CFI: variants seen among roughly 807,000 people sequenced by gnomAD.
CFI encodes complement factor I.
In CFI, 66 loss-of-function variants were observed where a neutral mutation model predicts 78.8. The ratio of observed to expected loss-of-function variants is 0.84; its 90% CI spans 0.69 to 1.03. The LOEUF (loss-of-function observed/expected upper bound fraction) is 1.03, where lower values mean the gene tolerates loss of function less well. CFI is among the 50% of genes least tolerant of loss of function. The pLI is 0.00. For synonymous variants in CFI, 250 were observed against 232.6 expected (o/e 1.07, Z -0.68); for missense variants, 706 against 704.5 (o/e 1.00, Z -0.02).
In CFI at chr4:109,764,646, C is replaced by T. The variant is rs910978973; in HGVS notation, c.373G>A (p.Gly125Arg). The change falls in exon 3 of 13, where the codon GGA becomes AGA. Residue 125 changes from glycine (G) to arginine (R), a missense_variant. Physicochemically the swap from Gly to Arg is moderately radical, Grantham distance 125 (BLOSUM62 -2). Transcript: ENST00000394634. ...SLKHGNTDSE[G>R]IVEVKLVDQD... ...TCCACAAGTTTTACTTCAACTATTC[C>T]CTCTGAATCTGTATTTCCATGCTTC... 1 of 1,613,956 alleles carries T rather than the reference C, an allele frequency of 6.2e-7. No individual in the cohort carries two copies. The highest frequency in any genetic ancestry group is 1.7e-5 in the Admixed American group (1 of 60,004).
At chr4:109,759,100 G>T (rs923987098) in intron 6 of CFI, among the ~76,000 whole-genome samples, 3 of 151,924 alleles carry the variant, frequency 2.0e-5, no homozygotes, top group Non-Finnish European at 2.9e-5. Flanking sequence ...CTCAAAAAAA[G>T]AAAATAAAAA....
intron 6 of CFI, chr4:109,757,984 CT>C (rs932602141): frequency 6.9e-7 from 1 of 1,449,440 alleles, no homozygotes; most frequent in Non-Finnish European, 9.1e-7. Flanking sequence ...AAAAAACTCA[CT>C]ATAGCAAAGA....
At chr4:109,755,691 G>C (rs1726049991) in intron 7 of CFI, among the ~76,000 whole-genome samples, 1 of 152,076 alleles carries the variant, frequency 6.6e-6, no homozygotes. Flanking sequence ...CTGCGACCTT[G>C]GACCTCACAA....
rs1724897775 is a variant in CFI at position 109,749,595 on chromosome 4, T to C, written c.948A>G (p.Arg316=). ...GTTTAGGTAATAATGATTTTATCCG[T>C]CTTCTTTCTTCAAGAAAGGAAGAGA... ...ILTADMDAER[R]RIKSLLPKLS... Residue 316 remains arginine, a synonymous_variant, in exon 9 of 13, where the codon AGA becomes AGG. Coordinates refer to ENST00000394634, the MANE Select transcript of CFI (RefSeq NM_000204.5). 1 of 1,586,212 alleles carries C rather than the reference T, an allele frequency of 6.3e-7. No homozygotes were observed. Among genetic ancestry groups the C allele is most frequent in the African/African-American group, 1.3e-5 (1 of 74,450 alleles).
the CFI span, among the ~76,000 whole-genome samples, chr4:109,731,087 T>A: frequency 2.6e-5 from 4 of 152,086 alleles, no homozygotes; most frequent in Non-Finnish European, 5.9e-5. Flanking sequence ...GCGCGGTGGT[T>A]TACGCCTGTA....
At chr4:109,786,018 C>G (rs1730691437) in intron 1 of CFI, among the ~76,000 whole-genome samples, 1 of 151,686 alleles carries the variant, frequency 6.6e-6, no homozygotes, top group Non-Finnish European at 1.5e-5. Flanking sequence ...TGGACTAATA[C>G]AATGGGCTTT....
chr4:109,750,712 C>T (rs1647698230), intron 8 of CFI, among the ~76,000 whole-genome samples: 1 of 152,124 alleles, frequency 6.6e-6, no homozygotes, highest in African/African-American at 2.4e-5. Context: ...AAACTTGCTT[C>T]TTAGCCCCAG....
chr4:109,755,176 T>G (rs1034559235), intron 7 of CFI, among the ~76,000 whole-genome samples: 13 of 152,144 alleles, frequency 8.5e-5, no homozygotes, highest in African/African-American at 3.1e-4. Context: ...AAAGCTAGTA[T>G]GCACATGAAG....
intron 6 of CFI, 59 bp from the exon 7 acceptor site, chr4:109,757,842 T>C: frequency 7.4e-7 from 1 of 1,348,374 alleles, no homozygotes; most frequent in South Asian, 1.3e-5. Flanking sequence ...AAATGCACAC[T>C]ATAGCAATAT....
At chr4:109,798,732 TG>T (rs987852790) in intron 1 of CFI, among the ~76,000 whole-genome samples, 1 of 151,794 alleles carries the variant, frequency 6.6e-6, no homozygotes, top group African/African-American at 2.4e-5. Flanking sequence ...TTTGGTTGCT[TG>T]GGGTTTGCTT....
chr4:109,743,273 A>G (rs1305192066), intron 11 of CFI, among the ~76,000 whole-genome samples: 1 of 152,154 alleles, frequency 6.6e-6, no homozygotes, highest in Non-Finnish European at 1.5e-5. Flanking sequence ...CCTTAGAACA[A>G]GAGCTTTTTT....
At chr4:109,746,636 A>G (rs1247657431) in intron 10 of CFI, 134 bp from the exon 11 acceptor site, 20 of 712,228 alleles carry the variant, frequency 2.8e-5, no homozygotes, top group Non-Finnish European at 1.4e-5. Flanking sequence ...GCTTGCTGTC[A>G]TGAAGCAATG....
intron 1 of CFI, among the ~76,000 whole-genome samples, chr4:109,775,095 G>A (rs971382174): frequency 3.3e-5 from 5 of 152,144 alleles, no homozygotes; most frequent in Non-Finnish European, 7.3e-5. Context: ...CTCCCAGTGT[G>A]AGCGACGCAG....
At chr4:109,735,143 T>C in the CFI span, among the ~76,000 whole-genome samples, 1 of 152,150 alleles carries the variant, frequency 6.6e-6, no homozygotes, top group African/African-American at 2.4e-5. Context: ...ATTATAGAGA[T>C]GGGGTCTCCC....
At position 109,756,752 on chromosome 4, in the gene CFI, C is replaced by A. The variant is rs371102537; in HGVS notation, c.904+1011G>T. The stretch of plus-strand genomic sequence containing the variant: ...GCACGTGCCTGTAATCTCAGCTACT[C>A]GGGAGGTTGAGGCAGAGAATTGCTT... On this transcript the variant is annotated intron_variant, in intron 7 of 12. Transcript: ENST00000394634. Among the ~76,000 whole-genome samples, 369 of 151,430 alleles carry A rather than the reference C, an allele frequency of 2.4e-3. 13 individuals carry two copies. The South Asian group carries it at 0.064, about 26-fold the overall frequency.
chr4:109,734,589 G>A, the CFI span, among the ~76,000 whole-genome samples: 4 of 152,120 alleles, frequency 2.6e-5, no homozygotes, highest in Admixed American at 2.6e-4. Flanking sequence ...AGATCACACG[G>A]TCAGGAGTTC....
In CFI at chr4:109,792,227, T is replaced by C. The variant is rs1731469425; in HGVS notation, c.57+9688A>G. Among the ~76,000 whole-genome samples, 3 of 152,316 alleles carry C rather than the reference T, an allele frequency of 2.0e-5. No individual in the cohort carries two copies. In the South Asian group the frequency reaches 6.2e-4, roughly 32 times the overall value. ...GTTGTTCAAGTTCTCCATTCCTTAT[T>C]GACCTTCTATTCATTATAGAAAGTG... is the stretch of plus-strand genomic sequence containing the variant. On this transcript the variant is annotated intron_variant, in intron 1 of 12. Transcript: ENST00000394634.
At chr4:109,753,620 T>C (rs1354346439) in intron 7 of CFI, among the ~76,000 whole-genome samples, 3 of 97,866 alleles carry the variant, frequency 3.1e-5, no homozygotes, top group African/African-American at 1.3e-4. Flanking sequence ...ATTTATTATA[T>C]ATTTATTATA....
chr4:109,746,807 C>T (rs1724530163), intron 10 of CFI, among the ~76,000 whole-genome samples: 1 of 152,104 alleles, frequency 6.6e-6, no homozygotes, highest in Non-Finnish European at 1.5e-5. Context: ...TGTGCCGTCG[C>T]TGCAGGTGTT....
Sources: gnomAD v4.1 joint callset for allele counts (sites outside exome capture counted in the v4.1 genomes callset) on GRCh38, gnomAD v4.1.1 for gene constraint, MANE v1.5 for transcripts, NCBI Gene and HGNC (gene_info 2026-07-23, HGNC 2026-07-21) for gene names.